SUMF1: variants seen among roughly 807,000 people sequenced by gnomAD.
The protein encoded by SUMF1 is sulfatase modifying factor 1, also known as formylglycine-generating enzyme.
SUMF1 carries 48 observed loss-of-function variants against 47.6 expected under a neutral mutation model. That is an observed-to-expected ratio of 1.01 (90% confidence interval 0.80 to 1.28). The LOEUF (loss-of-function observed/expected upper bound fraction) is 1.28. SUMF1 is among the 50% of genes most tolerant of loss of function. SUMF1 has a pLI of 0.00. For missense variants in SUMF1, 571 were observed against 485.4 expected, an observed-to-expected ratio of 1.18 and a Z score of -1.66; for synonymous variants, 230 against 192.1, an observed-to-expected ratio of 1.20 and a Z score of -1.63.
intron 3 of SUMF1, among the ~76,000 whole-genome samples, chr3:4,423,393 T>C (rs981297981): frequency 2.0e-4 from 30 of 152,002 alleles, no homozygotes; most frequent in African/African-American, 7.3e-4. Context: ...GCCTACCCCT[T>C]TTTCAAAGGG....
At position 4,418,084 on chromosome 3, in the gene SUMF1, G is replaced by A. The variant is rs769168292; in HGVS notation, c.651C>T (p.Tyr217=). The A allele has an allele frequency of 1.4e-5, 22 of 1,613,994 alleles. No individual in the cohort carries two copies. Among genetic ancestry groups the A allele is most frequent in the Non-Finnish European group, 1.9e-5 (22 of 1,180,036 alleles). The change falls in exon 5 of 9, where the codon TAC becomes TAT. Residue 217 remains tyrosine, a synonymous_variant. Coordinates refer to ENST00000272902, the MANE Select transcript of SUMF1 (RefSeq NM_182760.4). The part of the protein sequence containing the change: ...LHVSWNDAVA[Y]CTWAGKRLPT... Reference sequence around the variant, plus strand: ...GCAGCCGCTTCCCTGCCCAAGTGCAGTAGGCAACCGCATCATTCCAGGACA... The same window carrying A: ...GCAGCCGCTTCCCTGCCCAAGTGCAATAGGCAACCGCATCATTCCAGGACA...
At chr3:4,195,689 T>C (rs1695412717) in intron 8 of SUMF1, among the ~76,000 whole-genome samples, 1 of 152,152 alleles carries the variant, frequency 6.6e-6, no homozygotes, top group South Asian at 2.1e-4. Context: ...AAAAAGCAGA[T>C]GAAGTTTATC....
At chr3:4,424,938 G>A (rs1324432284) in intron 3 of SUMF1, among the ~76,000 whole-genome samples, 1 of 152,198 alleles carries the variant, frequency 6.6e-6, no homozygotes, top group Non-Finnish European at 1.5e-5. Context: ...TGTTATGGGA[G>A]ACTGTCTTAT....
At chr3:4,085,280 C>T (rs1242327297) in intron 8 of SUMF1, among the ~76,000 whole-genome samples, 1 of 151,968 alleles carries the variant, frequency 6.6e-6, no homozygotes, top group African/African-American at 2.4e-5. Flanking sequence ...CTGTGAGTCC[C>T]CAGAAAGGCA....
At chr3:4,313,834 G>C (rs1698527065) in intron 8 of SUMF1, 2 of 1,592,260 alleles carry the variant, frequency 1.3e-6, no homozygotes, top group African/African-American at 2.7e-5. Flanking sequence ...CTTTACCTCT[G>C]CCTAGTTACA....
intron 8 of SUMF1, among the ~76,000 whole-genome samples, chr3:4,115,995 G>C (rs1242370073): frequency 1.3e-5 from 2 of 152,022 alleles, no homozygotes; most frequent in South Asian, 2.1e-4. Flanking sequence ...ATAAATGAAA[G>C]TTATTGATAT....
At chr3:4,339,548 C>T (rs897906659) in intron 8 of SUMF1, among the ~76,000 whole-genome samples, 2 of 151,896 alleles carry the variant, frequency 1.3e-5, no homozygotes, top group African/African-American at 2.4e-5. Context: ...TAGATTTCTG[C>T]ATCAACCAGT....
chr3:4,213,244 T>G (rs948256218), intron 8 of SUMF1, among the ~76,000 whole-genome samples: 10 of 151,614 alleles, frequency 6.6e-5, no homozygotes, highest in Admixed American at 1.3e-4. Context: ...CAGAAGAGAG[T>G]GGGGGCCAAT....
At chr3:4,426,760 T>C (rs1368645624) in intron 3 of SUMF1, among the ~76,000 whole-genome samples, 1 of 152,194 alleles carries the variant, frequency 6.6e-6, no homozygotes, top group African/African-American at 2.4e-5. Context: ...TTGGATGTGG[T>C]TGTCCACCTA....
intron 9 of SUMF1, among the ~76,000 whole-genome samples, chr3:4,052,036 T>C (rs190697940): frequency 6.6e-6 from 1 of 152,264 alleles, no homozygotes; most frequent in Admixed American, 6.5e-5. Context: ...AAGGCTGCCA[T>C]ATCACCATGC....
intron 8 of SUMF1, among the ~76,000 whole-genome samples, chr3:4,242,677 G>T (rs1696567732): frequency 6.6e-6 from 1 of 152,154 alleles, no homozygotes; most frequent in South Asian, 2.1e-4. Context: ...CAGTTTGCCA[G>T]TATTTTATTG....
At chr3:4,254,190 C>CT (rs1458464897) in intron 8 of SUMF1, among the ~76,000 whole-genome samples, 2 of 152,010 alleles carry the variant, frequency 1.3e-5, no homozygotes, top group Non-Finnish European at 2.9e-5. Context: ...ACTGGAAACT[C>CT]TAAAAAGCAG....
At chr3:4,375,004 A>C (rs914720061) in intron 8 of SUMF1, among the ~76,000 whole-genome samples, 4 of 152,012 alleles carry the variant, frequency 2.6e-5, no homozygotes, top group Non-Finnish European at 1.5e-5. Flanking sequence ...CTCTAAAAAA[A>C]ATTTAAAAAT....
intron 8 of SUMF1, among the ~76,000 whole-genome samples, chr3:4,091,121 T>C (rs1024226663): frequency 6.6e-6 from 1 of 151,712 alleles, no homozygotes; most frequent in East Asian, 1.9e-4. Flanking sequence ...AAAACACACA[T>C]TTTGGGTCTT....
rs540842945 is a variant in SUMF1, at chr3:4,247,729, G to A, written c.1014+128601C>T. 2.6e-5 allele frequency among the ~76,000 whole-genome samples: 4 copies of A among 152,272 alleles called. No homozygotes were observed. In the South Asian group the frequency reaches 8.3e-4, roughly 32 times the overall value. The stretch of plus-strand genomic sequence containing the variant: ...TCAGTTGAGAACCCAAGGAAGAATA[G>A]CAGTCCACTAGGCATAGAAGAATAC... On this transcript the variant is annotated intron_variant and NMD_transcript_variant, in intron 8 of 12. Transcript: ENST00000448413.
rs142770711 is a variant in SUMF1, at chr3:4,439,999, C to T, written c.519+9267G>A. ...TTGTAATCCCAGCACTTTGGGAGGCCGAGGCGGGTGGATCACGTGAGGTCA... is the reference window on the plus strand; with the variant it reads ...TTGTAATCCCAGCACTTTGGGAGGCTGAGGCGGGTGGATCACGTGAGGTCA... On this transcript the variant is annotated intron_variant, in intron 3 of 8. Transcript: ENST00000272902. Among the ~76,000 whole-genome samples the T allele has an allele frequency of 3.2e-3, 486 of 152,078 alleles. 2 individuals are homozygous for T. Among genetic ancestry groups the T allele is most frequent in the East Asian group, 4.6e-3 (24 of 5,178 alleles).
At chr3:4,323,093 C>CA (rs201153463) in intron 8 of SUMF1, among the ~76,000 whole-genome samples, 23 of 151,286 alleles carry the variant, frequency 1.5e-4, no homozygotes, top group African/African-American at 4.4e-4. Context: ...TTCATAATAG[C>CA]AAAAAAAAGT....
chr3:4,263,135 G>A (rs1053356140), intron 8 of SUMF1, among the ~76,000 whole-genome samples: 2 of 152,096 alleles, frequency 1.3e-5, no homozygotes, highest in Non-Finnish European at 2.9e-5. Context: ...ATCATGTAAA[G>A]GTCAAGGGTT....
chr3:4,272,413 A>G (rs369988937), intron 8 of SUMF1, among the ~76,000 whole-genome samples: 87 of 152,252 alleles, frequency 5.7e-4, no homozygotes, highest in African/African-American at 1.9e-3. Context: ...AGGCCTTCAC[A>G]TCCTCACATC....
Sources: allele counts gnomAD v4.1 joint callset (sites outside exome capture counted in the v4.1 genomes callset), GRCh38; gene constraint gnomAD v4.1.1; transcripts MANE v1.5; gene names NCBI Gene and HGNC (gene_info 2026-07-23, HGNC 2026-07-21).